PRKCQ: variants seen among roughly 807,000 people sequenced by gnomAD.
The protein encoded by PRKCQ is protein kinase C theta.
PRKCQ carries 41 observed loss-of-function variants against 91.2 expected under a neutral mutation model. The ratio of observed to expected loss-of-function variants is 0.45; its 90% CI spans 0.35 to 0.58. PRKCQ has a LOEUF of 0.58. Ranked by LOEUF, PRKCQ falls within the 20% of genes least tolerant of loss-of-function variation. The pLI is 0.00. For missense variants in PRKCQ, 673 were observed against 896.5 expected (o/e 0.75, Z 3.18); for synonymous variants, 307 against 316.9 (o/e 0.97, Z 0.33).
chr10:6,531,774 A>G (rs919993130), intron 1 of PRKCQ, among the ~76,000 whole-genome samples: 1 of 152,168 alleles, frequency 6.6e-6, no homozygotes, highest in Non-Finnish European at 1.5e-5. Context: ...TTATAATAAG[A>G]CAGGAAATAA....
At chr10:6,429,862 T>C (rs151129518) in intron 17 of PRKCQ, among the ~76,000 whole-genome samples, 7 of 152,198 alleles carry the variant, frequency 4.6e-5, no homozygotes, top group African/African-American at 1.4e-4. Flanking sequence ...ACTGAGGAGT[T>C]TGAACTACAG....
At chr10:6,395,122 G>A in the PRKCQ span, among the ~76,000 whole-genome samples, 1 of 146,220 alleles carries the variant, frequency 6.8e-6, no homozygotes, top group Non-Finnish European at 1.5e-5. Context: ...GAGTGCAGTG[G>A]CTGTGATCTC....
intron 14 of PRKCQ, among the ~76,000 whole-genome samples, chr10:6,461,492 C>T (rs1355181462): frequency 1.3e-5 from 2 of 152,008 alleles, no homozygotes; most frequent in Non-Finnish European, 2.9e-5. Flanking sequence ...TGTAGATAGA[C>T]CAAAAAAAAT....
At chr10:6,553,725 A>T (rs192622118) in intron 1 of PRKCQ, among the ~76,000 whole-genome samples, 2 of 152,236 alleles carry the variant, frequency 1.3e-5, no homozygotes, top group Non-Finnish European at 2.9e-5. Flanking sequence ...AAAGCAATAG[A>T]CCTACAAAGT....
intron 14 of PRKCQ, 35 bp from the exon 15 acceptor site, chr10:6,456,847 T>C (rs1835034209): frequency 6.2e-7 from 1 of 1,608,372 alleles, no homozygotes; most frequent in Non-Finnish European, 8.5e-7. Flanking sequence ...CTCACATTAA[T>C]CAATATAATT....
chr10:6,496,891 A>C (rs1480844485), intron 7 of PRKCQ, 144 bp downstream of exon 7: 1 of 767,524 alleles, frequency 1.3e-6, no homozygotes, highest in South Asian at 1.7e-5. Context: ...TCATTATTGA[A>C]GAGGAAAGAG....
chr10:6,411,625 G>A, the PRKCQ span, among the ~76,000 whole-genome samples: 1 of 152,228 alleles, frequency 6.6e-6, no homozygotes, highest in Non-Finnish European at 1.5e-5. Context: ...ACACCCATTT[G>A]TTTCCGTATT....
downstream of PRKCQ, among the ~76,000 whole-genome samples, chr10:6,423,449 G>A (rs907831352): frequency 6.6e-6 from 1 of 152,282 alleles, no homozygotes; most frequent in Admixed American, 6.5e-5. Context: ...GGGAAGGAGA[G>A]CAGCCAGTGG....
intron 1 of PRKCQ, among the ~76,000 whole-genome samples, chr10:6,531,790 T>C (rs911431179): frequency 1.3e-5 from 2 of 152,088 alleles, no homozygotes; most frequent in African/African-American, 4.8e-5. Flanking sequence ...AATAAATCAG[T>C]TAGTGGATCT....
chr10:6,441,910 T>C lies in PRKCQ; in HGVS notation c.1819A>G (p.Lys607Glu), dbSNP rs749499954. Residue 607 changes from lysine to glutamate, a missense_variant, in exon 16 of 18, where the codon AAG (lysine) becomes GAG (glutamate). By Grantham distance (56) the Lys-to-Glu change is moderately conservative. Transcript: ENST00000263125. ...CTTCTTACCTTCACCAGAAGGTCCT[T>C]TGCTTCCTTCTCCAGCCACCGTGGG... Reference protein sequence around the residue: ...FYPRWLEKEAKDLLVKLFVRE... With the variant: ...FYPRWLEKEAEDLLVKLFVRE... The C allele has an allele frequency of 1.9e-6, 3 of 1,608,582 alleles. No homozygotes were observed. In the South Asian group the frequency reaches 3.3e-5, roughly 18 times the overall value.
At chr10:6,559,143 A>AACATAAATGACCACAGTCAGATTCAGGAT (rs1281327279) in intron 1 of PRKCQ, among the ~76,000 whole-genome samples, 1 of 152,330 alleles carries the variant, frequency 6.6e-6, no homozygotes, top group Admixed American at 6.5e-5. Flanking sequence ...CCTCATTAGG[A>AACATAAATGACCACAGTCAGATTCAGGAT]ACATAAATGA....
At chr10:6,562,263 G>A (rs1840663721) in intron 1 of PRKCQ, among the ~76,000 whole-genome samples, 1 of 152,172 alleles carries the variant, frequency 6.6e-6, no homozygotes, top group South Asian at 2.1e-4. Context: ...AACCACTGTG[G>A]CCATCTCCTG....
chr10:6,553,398 G>T (rs1840264645), intron 1 of PRKCQ, among the ~76,000 whole-genome samples: 1 of 151,354 alleles, frequency 6.6e-6, no homozygotes, highest in Admixed American at 6.6e-5. Context: ...GCTGAGGTGG[G>T]AGGATCACCT....
At chr10:6,470,075 A>G (rs1835874942) in intron 12 of PRKCQ, among the ~76,000 whole-genome samples, 1 of 152,150 alleles carries the variant, frequency 6.6e-6, no homozygotes, top group Non-Finnish European at 1.5e-5. Flanking sequence ...CTGTATCACC[A>G]CTGAATCTGC....
At chr10:6,404,771 TCTTC>T in the PRKCQ span, among the ~76,000 whole-genome samples, 12 of 144,420 alleles carry the variant, frequency 8.3e-5, no homozygotes, top group African/African-American at 2.1e-4. Context: ...TTCCATCCTT[TCTTC>T]CTTCCTTCAC....
rs116780242 is a variant in PRKCQ, at chr10:6,495,440, C to T, written c.660+1595G>A. Among the ~76,000 whole-genome samples, 179 of 152,294 alleles carry T rather than the reference C, an allele frequency of 1.2e-3. 1 individual carries two copies. Among genetic ancestry groups the T allele is most frequent in the African/African-American group, 4.2e-3 (175 of 41,562 alleles). On this transcript the variant is annotated intron_variant, in intron 7 of 17. Coordinates refer to ENST00000263125, the MANE Select transcript of PRKCQ (RefSeq NM_006257.5). ...TGTAAGGAGCTTCCTTCCTCCTGCT[C>T]TTCACCTAACCAGCTCTGTCACTCT...
chr10:6,470,874 C>T (rs1273684212), intron 12 of PRKCQ, among the ~76,000 whole-genome samples: 1 of 151,764 alleles, frequency 6.6e-6, no homozygotes, highest in East Asian at 1.9e-4. Context: ...TCACTTGAAC[C>T]CAGGAGGTGG....
At chr10:6,502,037 C>T (rs529887238) in intron 4 of PRKCQ, among the ~76,000 whole-genome samples, 39 of 152,236 alleles carry the variant, frequency 2.6e-4, no homozygotes, top group Non-Finnish European at 4.7e-4. Flanking sequence ...CTGAACAGTT[C>T]AGCAGGCATT....
chr10:6,419,563 T>G, the PRKCQ span, among the ~76,000 whole-genome samples: 1 of 152,220 alleles, frequency 6.6e-6, no homozygotes, highest in Admixed American at 6.5e-5. Flanking sequence ...TTTAATGTAT[T>G]ATAATTATCT....
Sources: gnomAD v4.1 joint callset for allele counts (sites outside exome capture counted in the v4.1 genomes callset) on GRCh38, gnomAD v4.1.1 for gene constraint, MANE v1.5 for transcripts, NCBI Gene and HGNC (gene_info 2026-07-23, HGNC 2026-07-21) for gene names.